FAM13B: variants seen among roughly 807,000 people sequenced by gnomAD.
FAM13B encodes the protein protein FAM13B.
FAM13B carries 60 observed loss-of-function variants against 117.3 expected under a neutral mutation model. That is an observed-to-expected ratio of 0.51 (90% CI 0.42 to 0.63). The LOEUF (loss-of-function observed/expected upper bound fraction) is 0.63, where lower values mean the gene tolerates loss of function less well. Ranked by LOEUF, FAM13B falls within the 30% of genes least tolerant of loss-of-function variation. FAM13B has a pLI of 0.00. For missense variants in FAM13B, 972 were observed against 1,091.9 expected, an observed-to-expected ratio of 0.89 and a Z score of 1.55; for synonymous variants, 332 against 356.1, an observed-to-expected ratio of 0.93 and a Z score of 0.76.
chr5:137,970,875 T>C (rs901886031), intron 10 of FAM13B, among the ~76,000 whole-genome samples: 6 of 151,996 alleles, frequency 3.9e-5, no homozygotes, highest in African/African-American at 1.4e-4. Context: ...GGCCATTACT[T>C]AATGGTAAAG....
intron 1 of FAM13B, among the ~76,000 whole-genome samples, chr5:138,049,722 G>A (rs1791747332): frequency 6.6e-6 from 1 of 152,154 alleles, no homozygotes; most frequent in Non-Finnish European, 1.5e-5. Context: ...CCACAGTGCT[G>A]GGAGCTAAAT....
intron 18 of FAM13B, among the ~76,000 whole-genome samples, chr5:137,947,442 A>G (rs1193661371): frequency 2.0e-5 from 3 of 152,214 alleles, no homozygotes; most frequent in Admixed American, 1.3e-4. Flanking sequence ...TTATTCTAAC[A>G]TAAAACTTAA....
intron 17 of FAM13B, among the ~76,000 whole-genome samples, chr5:137,952,281 A>G (rs1012840155): frequency 6.9e-4 from 105 of 152,304 alleles, no homozygotes; most frequent in African/African-American, 2.4e-3. Flanking sequence ...TCTTAATGAA[A>G]TATCCAACAA....
In FAM13B at chr5:137,949,159, T is replaced by C. The variant is rs765086059; in HGVS notation, c.1956A>G (p.Gly652=). The part of the protein sequence containing the change: ...IKDAKHKNSD[G]EFVPQTRPRS... ...GTGGACGTGTCTGAGGTACAAATTCTCCATCAGAATTTTTGTGTTTTGCAT... is the reference window on the plus strand; with the variant it reads ...GTGGACGTGTCTGAGGTACAAATTCCCCATCAGAATTTTTGTGTTTTGCAT... Residue 652 remains glycine, a synonymous_variant, in exon 18 of 24, where the codon GGA becomes GGG. Transcript: ENST00000689681. 1.2e-6 allele frequency: 2 copies of C among 1,614,082 alleles called. No individual in the cohort carries two copies. Among genetic ancestry groups the C allele is most frequent in the Non-Finnish European group, 8.5e-7 (1 of 1,180,024 alleles).
upstream of FAM13B, chr5:138,033,205 C>T (rs928219453): frequency 6.3e-6 from 2 of 316,112 alleles, no homozygotes; most frequent in South Asian, 1.3e-4. Flanking sequence ...GTCCTGCAAG[C>T]TTGAGGACCG....
At chr5:138,035,954 C>T (rs1282648481), upstream of FAM13B, among the ~76,000 whole-genome samples, 4 of 152,140 alleles carry the variant, frequency 2.6e-5, no homozygotes, top group Non-Finnish European at 4.4e-5. Flanking sequence ...TTGGTCTAAG[C>T]GTAAAGCTAT....
At chr5:138,026,627 T>G (rs1348094788) in intron 1 of FAM13B, among the ~76,000 whole-genome samples, 3 of 44,878 alleles carry the variant, frequency 6.7e-5, no homozygotes, top group Non-Finnish European at 1.1e-4. Flanking sequence ...GGACCGTGTC[T>G]CAAAAAAAAA....
At chr5:137,953,539 G>C in intron 15 of FAM13B, 74 bp from the exon 16 acceptor site, 1 of 1,427,400 alleles carries the variant, frequency 7.0e-7, no homozygotes, top group Admixed American at 1.9e-5. Context: ...CCCTGACATG[G>C]CACTATTAGC....
chr5:138,032,685 G>C, intron 1 of FAM13B, 97 bp downstream of exon 1: 2 of 975,820 alleles, frequency 2.0e-6, no homozygotes, highest in Non-Finnish European at 2.4e-6. Context: ...GAGCAGGCGC[G>C]GGTGGCAGGC....
intron 1 of FAM13B, among the ~76,000 whole-genome samples, chr5:138,040,161 G>T (rs186683913): frequency 2.6e-5 from 4 of 151,642 alleles, no homozygotes; most frequent in African/African-American, 9.7e-5. Context: ...CTACTGGGGA[G>T]GCTGAGGCAG....
chr5:137,941,928 G>A lies in FAM13B; in HGVS notation c.2690+16C>T. ...TAGAGAAGAAAGATGACTCAATTTTGTGATGCTCAACAAACCTTCCATTTT... is the reference window on the plus strand; with the variant it reads ...TAGAGAAGAAAGATGACTCAATTTTATGATGCTCAACAAACCTTCCATTTT... On this transcript the variant is annotated intron_variant, in intron 23 of 23. Transcript: ENST00000689681. The A allele has an allele frequency of 6.3e-7, 1 of 1,594,698 alleles. No homozygotes were observed. The highest frequency in any genetic ancestry group is 1.1e-5 in the South Asian group (1 of 90,446).
Position 138,004,585 on chromosome 5 carries a change from A to T in FAM13B, c.848+2405T>A, listed in dbSNP as rs1457024594. 3.3e-5 allele frequency among the ~76,000 whole-genome samples: 5 copies of T among 152,344 alleles called. No individual in the cohort carries two copies. In the East Asian group the frequency reaches 9.6e-4, roughly 29 times the overall value. On this transcript the variant is annotated intron_variant, in intron 7 of 23. Transcript: ENST00000689681. ...GTGGCACAAATATGGAAGGAATTTT[A>T]AAATTTTATTTAATTTCAGTTCGTT...
chr5:138,031,755 T>C (rs908139119), intron 1 of FAM13B, among the ~76,000 whole-genome samples: 2 of 150,946 alleles, frequency 1.3e-5, no homozygotes. Context: ...TTCAATTCCA[T>C]CAACAAGCAC....
upstream of FAM13B, chr5:138,036,705 G>C: frequency 5.2e-6 from 2 of 386,434 alleles, no homozygotes; most frequent in Non-Finnish European, 1.0e-5. Context: ...TTTCTAGAGG[G>C]GGTCTATCTC....
intron 14 of FAM13B, among the ~76,000 whole-genome samples, chr5:137,955,562 TA>T (rs1257753321): frequency 1.3e-5 from 2 of 152,138 alleles, no homozygotes; most frequent in East Asian, 3.8e-4. Flanking sequence ...AATCCACAAA[TA>T]TACCCCAAAT....
intron 10 of FAM13B, among the ~76,000 whole-genome samples, chr5:137,968,308 G>A (rs1447969826): frequency 6.6e-6 from 1 of 151,560 alleles, no homozygotes; most frequent in African/African-American, 2.4e-5. Context: ...AGGTGTGGTG[G>A]CACACACTTT....
intron 7 of FAM13B, among the ~76,000 whole-genome samples, chr5:138,005,454 A>C (rs1782301739): frequency 9.3e-6 from 1 of 107,222 alleles, no homozygotes; most frequent in Non-Finnish European, 2.2e-5. Context: ...AGGGCCAAAC[A>C]ACAAAGGTAT....
chr5:138,000,844 T>C (rs1372844688), intron 7 of FAM13B, among the ~76,000 whole-genome samples: 1 of 146,786 alleles, frequency 6.8e-6, no homozygotes, highest in African/African-American at 2.5e-5. Context: ...GGCGCAATAA[T>C]CCCTTAACTC....
At chr5:138,047,304 A>G (rs1446738032) in intron 1 of FAM13B, among the ~76,000 whole-genome samples, 1 of 151,650 alleles carries the variant, frequency 6.6e-6, no homozygotes, top group African/African-American at 2.4e-5. Flanking sequence ...CGGGATATCA[A>G]GACAATCCTG....
Sources: gnomAD v4.1 joint callset for allele counts (sites outside exome capture counted in the v4.1 genomes callset) on GRCh38, gnomAD v4.1.1 for gene constraint, MANE v1.5 for transcripts, NCBI Gene and HGNC (gene_info 2026-07-23, HGNC 2026-07-21) for gene names.